FGF18: variants seen among roughly 807,000 people sequenced by gnomAD.
FGF18 encodes the protein fibroblast growth factor 18.
FGF18 carries 5 observed loss-of-function variants against 23.0 expected under a neutral mutation model. The observed-to-expected ratio is 0.22, with a 90% CI of 0.11 to 0.46. The LOEUF (loss-of-function observed/expected upper bound fraction) is 0.46, where lower values mean the gene tolerates loss of function less well. Among genes scored for constraint, FGF18 ranks in the 20% least tolerant of loss-of-function variants. The probability of loss-of-function intolerance (pLI) is 0.99; values close to 1 mark genes in which losing one functional copy is unlikely to be tolerated. For synonymous variants in FGF18, 117 were observed against 118.9 expected, an observed-to-expected ratio of 0.98 and a Z score of 0.10; for missense variants, 180 against 291.6, an observed-to-expected ratio of 0.62 and a Z score of 2.79.
Position 171,440,220 on chromosome 5 carries a change from G to A in FGF18, c.250+3947G>A, listed in dbSNP as rs1298114881. Reference sequence around the variant, plus strand: ...TCACCACCTGACCTCCTTACTATGGGTGTGTGGGGGGGGGTGGTGCCATCG... The same window carrying A: ...TCACCACCTGACCTCCTTACTATGGATGTGTGGGGGGGGGTGGTGCCATCG... On this transcript the variant is annotated intron_variant, in intron 3 of 4. Coordinates refer to ENST00000274625, the MANE Select transcript of FGF18 (RefSeq NM_003862.3). The surrounding 1 kb of genome is among the most constrained non-coding windows in gnomAD (Gnocchi z 4.0). 8.1e-6 allele frequency among the ~76,000 whole-genome samples: 1 copy of A among 122,750 alleles called. No homozygotes were observed. The highest frequency in any genetic ancestry group is 1.8e-5 in the Non-Finnish European group (1 of 55,946). 80.5% of individuals were successfully genotyped at this position (122,750 alleles called of 152,430 possible). A position where few individuals can be genotyped will look rare whatever the true frequency, so the allele number is the denominator to read the frequency against.
chr5:171,436,281 C>T lies in FGF18; in HGVS notation c.250+8C>T. 1 of 1,544,688 alleles carries T rather than the reference C, an allele frequency of 6.5e-7. No homozygotes were observed. Among genetic ancestry groups the T allele is most frequent in the Non-Finnish European group, 8.8e-7 (1 of 1,140,760 alleles). ...AGGATGGGGACAAGTATGGTATGTGCCAACCCTCTCCTCCTACTCCGTGTA... is the reference window on the plus strand; with the variant it reads ...AGGATGGGGACAAGTATGGTATGTGTCAACCCTCTCCTCCTACTCCGTGTA... On this transcript the variant is annotated splice_region_variant and intron_variant, in intron 3 of 4. Coordinates refer to ENST00000274625, the MANE Select transcript of FGF18 (RefSeq NM_003862.3). The surrounding 1 kb of genome is among the most constrained non-coding windows in gnomAD (Gnocchi z 4.4).
chr5:171,431,163 C>G (rs545771405), intron 2 of FGF18, among the ~76,000 whole-genome samples: 14 of 152,284 alleles, frequency 9.2e-5, no homozygotes, highest in African/African-American at 2.9e-4. Context: ...GCTGGATGCT[C>G]TGGTGTGAGG....
In FGF18 at chr5:171,436,940, C is replaced by A. The variant is rs781042495; in HGVS notation, c.250+667C>A. Among the ~76,000 whole-genome samples the A allele has an allele frequency of 1.3e-5, 2 of 152,234 alleles. No individual in the cohort carries two copies. Among genetic ancestry groups the A allele is most frequent in the Non-Finnish European group, 2.9e-5 (2 of 68,044 alleles). On this transcript the variant is annotated intron_variant, in intron 3 of 4. Coordinates refer to ENST00000274625, the MANE Select transcript of FGF18 (RefSeq NM_003862.3). The surrounding 1 kb of genome is among the most constrained non-coding windows in gnomAD (Gnocchi z 4.4). ...GCAGTGAGTGAAACAGGCAGCGCTC[C>A]GCCTTCCCAGAGCTTGGAGGGCCTC...
chr5:171,433,954 C>T (rs1166999655), intron 2 of FGF18, among the ~76,000 whole-genome samples: 2 of 152,200 alleles, frequency 1.3e-5, no homozygotes, highest in Non-Finnish European at 2.9e-5. Context: ...ATATGTTTAA[C>T]CTTTGCAGCC....
chr5:171,424,980 G>C (rs1451635968), intron 2 of FGF18, among the ~76,000 whole-genome samples: 1 of 152,220 alleles, frequency 6.6e-6, no homozygotes, highest in Non-Finnish European at 1.5e-5. Flanking sequence ...GTGTCAGCAG[G>C]CTTGGGGCAG....
rs1213075503 is a variant in FGF18 at position 171,456,784 on chromosome 5, C to A, written c.603C>A (p.Ile201=). ...CGGTGACCAAGAGGTCCCGTCGGAT[C>A]CGGCCCACACACCCTGCCTAGGCCA... ...YTTVTKRSRR[I]RPTHPA Residue 201 remains isoleucine (I), a synonymous_variant, in exon 5 of 5, where the codon ATC becomes ATA. Coordinates refer to ENST00000274625, the MANE Select transcript of FGF18 (RefSeq NM_003862.3). This position sits in a 1 kb window ranked among gnomAD's most constrained non-coding sequence, Gnocchi z 6.1. 13 of 1,613,622 alleles carry A rather than the reference C, an allele frequency of 8.1e-6. No homozygotes were observed. In the South Asian group the frequency reaches 1.2e-4, roughly 15 times the overall value.
chr5:171,424,297 C>T (rs1034104109), intron 2 of FGF18, among the ~76,000 whole-genome samples: 2 of 152,214 alleles, frequency 1.3e-5, no homozygotes, highest in Admixed American at 6.5e-5. Flanking sequence ...ACATCTTCCT[C>T]CCGTTTAGCA....
rs1457911820 is a variant in FGF18, at chr5:171,440,317, G to T, written c.250+4044G>T. On this transcript the variant is annotated intron_variant, in intron 3 of 4. Transcript: ENST00000274625. This position sits in a 1 kb window ranked among gnomAD's most constrained non-coding sequence, Gnocchi z 4.0. The stretch of plus-strand genomic sequence containing the variant: ...CCAGAAAGGACCTGAGGGAAGAAGC[G>T]GTACTCCTGTCTGCTGTCAGTGGGA... 6.6e-6 allele frequency among the ~76,000 whole-genome samples: 1 copy of T among 152,042 alleles called. No individual in the cohort carries two copies. Among genetic ancestry groups the T allele is most frequent in the Non-Finnish European group, 1.5e-5 (1 of 68,002 alleles).
In FGF18 at chr5:171,436,115, T is replaced by C; in HGVS notation, c.92T>C (p.Val31Ala). The change falls in exon 3 of 5, where the codon GTG becomes GCG. Residue 31 changes from valine to alanine, a missense_variant. By Grantham distance (64) the Val-to-Ala change is moderately conservative. Transcript: ENST00000274625. The surrounding 1 kb of genome is among the most constrained non-coding windows in gnomAD (Gnocchi z 4.4). ...QVQVLVAEEN[V>A]DFRIHVENQT... is the part of the protein sequence containing the mutation. ...CAGGTGCTGGTTGCCGAGGAGAACG[T>C]GGACTTCCGCATCCACGTGGAGAAC... The C allele has an allele frequency of 1.3e-6, 2 of 1,566,422 alleles. No individual in the cohort carries two copies. The highest frequency in any genetic ancestry group is 1.2e-5 in the South Asian group (1 of 86,616).
At chr5:171,425,529 C>CTT (rs77671680) in intron 2 of FGF18, among the ~76,000 whole-genome samples, 1,720 of 106,186 alleles carry the variant, frequency 0.016, 69 homozygotes, top group Non-Finnish European at 0.019. Flanking sequence ...CCGCCATGTG[C>CTT]TTTTTTTTTT....
chr5:171,454,748 T>A (rs910195496), intron 4 of FGF18, among the ~76,000 whole-genome samples: 3 of 152,240 alleles, frequency 2.0e-5, no homozygotes, highest in Non-Finnish European at 2.9e-5. Context: ...CCGCTGGGCT[T>A]CCAGCTTGGC....
chr5:171,420,367 C>T lies in FGF18; in HGVS notation c.33-40C>T, dbSNP rs555815215. 67 of 1,612,354 alleles carry T rather than the reference C, an allele frequency of 4.2e-5. 1 individual carries two copies. The South Asian group carries it at 6.4e-4, about 15-fold the overall frequency. ...GTCTGTCTGTCCGTGCGCCCCCTTC[C>T]TCAGGTCCCACTGACCGCTTCTCCA... On this transcript the variant is annotated intron_variant, in intron 1 of 4. Coordinates refer to ENST00000274625, the MANE Select transcript of FGF18 (RefSeq NM_003862.3).
chr5:171,443,017 C>T (rs1772367202), intron 3 of FGF18, among the ~76,000 whole-genome samples: 1 of 152,232 alleles, frequency 6.6e-6, no homozygotes, highest in Admixed American at 6.5e-5. Flanking sequence ...TCTGGTCAAG[C>T]AATTTAACTG....
intron 2 of FGF18, among the ~76,000 whole-genome samples, chr5:171,423,792 T>C (rs58306537): frequency 2.5e-4 from 32 of 129,464 alleles, no homozygotes; most frequent in South Asian, 8.6e-4. Context: ...TTTTTTTTTT[T>C]TTTTTGTGCT....
intron 2 of FGF18, among the ~76,000 whole-genome samples, chr5:171,430,705 G>A (rs12186915): frequency 0.17 from 24,018 of 143,244 alleles, 2,382 homozygotes; most frequent in South Asian, 0.31. Flanking sequence ...GGAGAATGGC[G>A]TGAACCCGGG....
chr5:171,451,231 G>C lies in FGF18; in HGVS notation c.357+1978G>C, dbSNP rs976799858. ...GGAGGGAGGCCCGGCCCCGGCCCCC[G>C]GCGCCTCCCCCGCTCCCGCCCAGGC... is the stretch of plus-strand genomic sequence containing the variant. On this transcript the variant is annotated intron_variant, in intron 4 of 4. Coordinates refer to ENST00000274625, the MANE Select transcript of FGF18 (RefSeq NM_003862.3). The surrounding 1 kb of genome is among the most constrained non-coding windows in gnomAD (Gnocchi z 4.5). Among the ~76,000 whole-genome samples, 1 of 151,844 alleles carries C rather than the reference G, an allele frequency of 6.6e-6. No individual in the cohort carries two copies. Among genetic ancestry groups the C allele is most frequent in the African/African-American group, 2.4e-5 (1 of 41,356 alleles).
In FGF18 at chr5:171,436,301, C is replaced by T. The variant is rs751867019; in HGVS notation, c.250+28C>T. 2.7e-5 allele frequency: 40 copies of T among 1,454,560 alleles called. No individual in the cohort carries two copies. Among genetic ancestry groups the T allele is most frequent in the South Asian group, 2.7e-4 (18 of 67,236 alleles). The allele number at this position is 1,454,560 out of a possible 1,614,324, so 90.1% of individuals were successfully genotyped here. A position where few individuals can be genotyped will look rare whatever the true frequency, so the allele number is the denominator to read the frequency against. On this transcript the variant is annotated intron_variant, in intron 3 of 4. Coordinates refer to ENST00000274625, the MANE Select transcript of FGF18 (RefSeq NM_003862.3). The surrounding 1 kb of genome is among the most constrained non-coding windows in gnomAD (Gnocchi z 4.4). ...ATGTGCCAACCCTCTCCTCCTACTC[C>T]GTGTACCCGTGTACATGTCCTTCCT... is the stretch of plus-strand genomic sequence containing the variant.
In FGF18 at chr5:171,419,660, G is replaced by A. The variant is rs1306557606; in HGVS notation, c.-540G>A. 5 of 151,608 alleles carry A rather than the reference G, an allele frequency of 3.3e-5. No individual in the cohort carries two copies. The highest frequency in any genetic ancestry group is 1.5e-5 in the Non-Finnish European group (1 of 67,872). 9.4% of individuals were successfully genotyped at this position (151,608 alleles called of 1,614,324 possible). On this transcript the variant is annotated 5_prime_UTR_variant, in exon 1 of 5. The change abolishes an upstream ATG in the 5' untranslated region. Coordinates refer to ENST00000274625, the MANE Select transcript of FGF18 (RefSeq NM_003862.3). ...GCCGCCAGTGGTGGGAGGCGGCGAT[G>A]CGCACGGCCGGAGAGACGCGGAGGA...
chr5:171,450,132 T>G (rs936242128), intron 4 of FGF18, among the ~76,000 whole-genome samples: 3 of 150,326 alleles, frequency 2.0e-5, no homozygotes, highest in African/African-American at 4.9e-5. Context: ...TAGGCCTGGA[T>G]TCTAAGGGGG....
Sources: allele counts gnomAD v4.1 joint callset (sites outside exome capture counted in the v4.1 genomes callset), GRCh38; gene constraint gnomAD v4.1.1; non-coding constraint Gnocchi (gnomAD v3.1); transcripts MANE v1.5; gene names NCBI Gene and HGNC (gene_info 2026-07-23, HGNC 2026-07-21).